The following MACROD2 variants were observed in gnomAD, a reference collection of about 807,000 sequenced individuals.
MACROD2 encodes the protein ADP-ribose glycohydrolase MACROD2.
In MACROD2, 36 loss-of-function variants were observed where a neutral mutation model predicts 70.4. The observed-to-expected ratio is 0.51, with a 90% confidence interval of 0.39 to 0.68. The LOEUF (loss-of-function observed/expected upper bound fraction) is 0.68, where lower values mean the gene tolerates loss of function less well. MACROD2 is among the 30% of genes least tolerant of loss of function. The pLI, the probability that MACROD2 is intolerant of heterozygous loss-of-function variation, is 0.00. For synonymous variants in MACROD2, 172 were observed against 178.8 expected, an observed-to-expected ratio of 0.96 and a Z score of 0.30; for missense variants, 496 against 538.4, an observed-to-expected ratio of 0.92 and a Z score of 0.78.
At chr20:14,866,476 T>A (rs2073429008) in intron 5 of MACROD2, among the ~76,000 whole-genome samples, 1 of 152,132 alleles carries the variant, frequency 6.6e-6, no homozygotes, top group South Asian at 2.1e-4. Flanking sequence ...ATGATGATTT[T>A]TTTAAGTTGC....
At chr20:15,131,874 T>G (rs978720088) in intron 5 of MACROD2, among the ~76,000 whole-genome samples, 5 of 152,138 alleles carry the variant, frequency 3.3e-5, no homozygotes, top group African/African-American at 1.2e-4. Flanking sequence ...TGAATATGAA[T>G]GTTTAGTACT....
At chr20:14,244,187 A>G (rs1278039427) in intron 3 of MACROD2, among the ~76,000 whole-genome samples, 2 of 152,214 alleles carry the variant, frequency 1.3e-5, no homozygotes, top group African/African-American at 4.8e-5. Flanking sequence ...GAGAAAGGTT[A>G]GGAAGCATTG....
At chr20:15,986,546 A>G (rs2066486102) in intron 13 of MACROD2, among the ~76,000 whole-genome samples, 181 bp from the exon 14 acceptor site, 1 of 152,180 alleles carries the variant, frequency 6.6e-6, no homozygotes, top group African/African-American at 2.4e-5. Flanking sequence ...TTATCAGGAT[A>G]TTTCTCAGAA....
intron 5 of MACROD2, among the ~76,000 whole-genome samples, chr20:14,827,122 T>C (rs1600702845): frequency 6.6e-6 from 1 of 152,100 alleles, no homozygotes; most frequent in East Asian, 1.9e-4. Context: ...CATCATCGCG[T>C]CCTTGGATGG....
chr20:15,769,378 A>G (rs1428823987), intron 8 of MACROD2, among the ~76,000 whole-genome samples: 2 of 152,098 alleles, frequency 1.3e-5, no homozygotes, highest in Admixed American at 1.3e-4. Flanking sequence ...AACTCCGAAC[A>G]TCAGGTGATC....
chr20:14,358,883 G>A (rs1432141063), intron 3 of MACROD2, among the ~76,000 whole-genome samples: 2 of 152,128 alleles, frequency 1.3e-5, no homozygotes, highest in African/African-American at 4.8e-5. Flanking sequence ...TCACAGATAA[G>A]TTTTTGAAAA....
At chr20:15,042,966 T>C (rs2075366817) in intron 5 of MACROD2, among the ~76,000 whole-genome samples, 1 of 152,224 alleles carries the variant, frequency 6.6e-6, no homozygotes, top group African/African-American at 2.4e-5. Context: ...GGTGTTTCTT[T>C]CCCTTCCTGG....
intron 5 of MACROD2, among the ~76,000 whole-genome samples, chr20:15,217,384 A>G (rs1378617610): frequency 6.6e-6 from 1 of 152,180 alleles, no homozygotes; most frequent in African/African-American, 2.4e-5. Context: ...CTTGACAAGC[A>G]GATATTATCC....
chr20:14,935,085 CAA>C (rs2074329111), intron 5 of MACROD2: 2 of 151,782 alleles, frequency 1.3e-5, no homozygotes, highest in South Asian at 4.2e-4. Flanking sequence ...CTGAGTGGAC[CAA>C]AGACAGATAT....
Position 15,133,616 on chromosome 20 carries a change from A to G in MACROD2, c.419-96324A>G, listed in dbSNP as rs540370204. 8.5e-5 allele frequency among the ~76,000 whole-genome samples: 13 copies of G among 152,240 alleles called. 1 individual carries two copies. Among genetic ancestry groups the G allele is most frequent in the Admixed American group, 8.5e-4 (13 of 15,292 alleles). The stretch of plus-strand genomic sequence containing the variant: ...TGAAGTTTCAGAATATTTATCAGAA[A>G]TTTTGGTCATACTGTTTGACCAAAA... On this transcript the variant is annotated intron_variant, in intron 5 of 17. Transcript: ENST00000684519.
chr20:13,995,557 G>T lies in MACROD2; in HGVS notation c.-207G>T. ...CTGCTGTGGCGGCGTCCGCGGGGCT[G>T]AGGCGGGTGGGAGCCGGAGCCGAGC... On this transcript the variant is annotated 5_prime_UTR_variant, in exon 1 of 18. Transcript: ENST00000684519. This position sits in a 1 kb window ranked among gnomAD's most constrained non-coding sequence, Gnocchi z 4.3. 1.5e-6 allele frequency: 1 copy of T among 651,808 alleles called. No individual in the cohort carries two copies. The allele number at this position is 651,808 out of a possible 1,614,324, so 40.4% of individuals were successfully genotyped here. A position where few individuals can be genotyped will look rare whatever the true frequency, so the allele number is the denominator to read the frequency against.
At chr20:14,228,023 A>G (rs1291621962) in intron 3 of MACROD2, among the ~76,000 whole-genome samples, 1 of 152,166 alleles carries the variant, frequency 6.6e-6, no homozygotes, top group African/African-American at 2.4e-5. Flanking sequence ...TATTATGTCA[A>G]TGTAAATTTT....
intron 3 of MACROD2, among the ~76,000 whole-genome samples, chr20:14,214,468 A>G (rs2081597605): frequency 1.3e-5 from 2 of 152,138 alleles, no homozygotes; most frequent in South Asian, 4.1e-4. Context: ...GGAAGTGGGC[A>G]TAATCTTTTC....
chr20:15,424,430 G>A (rs1254907258), intron 6 of MACROD2, among the ~76,000 whole-genome samples: 10 of 152,162 alleles, frequency 6.6e-5, no homozygotes, highest in Admixed American at 5.2e-4. Flanking sequence ...GTAGAGAAAA[G>A]AGTGGGGCCA....
intron 2 of MACROD2, among the ~76,000 whole-genome samples, chr20:14,045,059 G>C (rs1409297907): frequency 1.3e-5 from 2 of 152,226 alleles, no homozygotes; most frequent in African/African-American, 2.4e-5. Context: ...GGGCTTGCGG[G>C]CCGGCTTGCC....
At chr20:14,188,815 A>G (rs1200427817) in intron 3 of MACROD2, among the ~76,000 whole-genome samples, 1 of 152,164 alleles carries the variant, frequency 6.6e-6, no homozygotes, top group African/African-American at 2.4e-5. Flanking sequence ...TGACAGGCAG[A>G]AAAAACAACA....
chr20:15,854,498 C>T (rs903434264), intron 8 of MACROD2, among the ~76,000 whole-genome samples: 4 of 152,180 alleles, frequency 2.6e-5, no homozygotes, highest in African/African-American at 7.2e-5. Flanking sequence ...GTGCAACTAA[C>T]ACTTTGATTG....
At chr20:14,271,587 C>T (rs967287854) in intron 3 of MACROD2, among the ~76,000 whole-genome samples, 12 of 152,198 alleles carry the variant, frequency 7.9e-5, no homozygotes, top group Admixed American at 2.6e-4. Context: ...AACAGAGCGC[C>T]TTTCCTCCTC....
chr20:15,961,100 C>A (rs562034702), intron 12 of MACROD2, among the ~76,000 whole-genome samples: 1 of 152,060 alleles, frequency 6.6e-6, no homozygotes, highest in South Asian at 2.1e-4. Context: ...TAGAGCCACA[C>A]GATGAGCCAC....
Sources: allele counts gnomAD v4.1 joint callset (sites outside exome capture counted in the v4.1 genomes callset), GRCh38; gene constraint gnomAD v4.1.1; non-coding constraint Gnocchi (gnomAD v3.1); transcripts MANE v1.5; gene names NCBI Gene and HGNC (gene_info 2026-07-23, HGNC 2026-07-21).